Variants in GPR157 observed in about 807,000 individuals in gnomAD.
The protein encoded by GPR157 is G protein-coupled receptor 157, also known as G-protein coupled receptor 157.
A neutral mutation model predicts 23.5 loss-of-function variants in GPR157; 16 were observed. The ratio of observed to expected loss-of-function variants is 0.68; its 90% CI spans 0.46 to 1.04. The LOEUF is 1.04. Ranked by LOEUF, GPR157 falls within the 50% of genes least tolerant of loss-of-function variation. The pLI, the probability that GPR157 is intolerant of heterozygous loss-of-function variation, is 0.00. For missense variants in GPR157, 440 were observed against 460.7 expected (o/e 0.96, Z 0.41); for synonymous variants, 200 against 221.5 (o/e 0.90, Z 0.86).
rs747542224 is a variant in GPR157 at position 9,128,865 on chromosome 1, G to C, written c.163C>G (p.Leu55Val). ...RARRLLLFLS[L>V]ADLLSAASYF... is the part of the protein sequence containing the mutation. Reference sequence around the variant, plus strand: ...GAGGCGGCCGAGAGCAGGTCGGCCAGCGACAGGAAGAGCAGCAGGCGCCGT... The same window carrying C: ...GAGGCGGCCGAGAGCAGGTCGGCCACCGACAGGAAGAGCAGCAGGCGCCGT... Residue 55 changes from leucine to valine, a missense_variant, in exon 1 of 4, where the codon CTG becomes GTG. Coordinates refer to ENST00000377411, the MANE Select transcript of GPR157 (RefSeq NM_024980.5). This position sits in a 1 kb window ranked among gnomAD's most constrained non-coding sequence, Gnocchi z 6.3. The C allele has an allele frequency of 2.0e-5, 31 of 1,579,858 alleles. No individual in the cohort carries two copies. Among genetic ancestry groups the C allele is most frequent in the Middle Eastern group, 1.7e-4 (1 of 5,988 alleles).
intron 2 of GPR157, among the ~76,000 whole-genome samples, chr1:9,109,331 C>T (rs978028534): frequency 6.6e-6 from 1 of 152,072 alleles, no homozygotes; most frequent in African/African-American, 2.4e-5. Flanking sequence ...GATCTACCTG[C>T]CTCGGCCTCC....
rs554677716 is a variant in GPR157, at chr1:9,107,481, A to G, written c.598-1801T>C. Reference sequence around the variant, plus strand: ...GAGTGAGACACTGTCTCTACAAAAAATTTAAAAATTAGCTGGGCATTGGCC... The same window carrying G: ...GAGTGAGACACTGTCTCTACAAAAAGTTTAAAAATTAGCTGGGCATTGGCC... On this transcript the variant is annotated intron_variant, in intron 2 of 3. Coordinates refer to ENST00000377411, the MANE Select transcript of GPR157 (RefSeq NM_024980.5). Among the ~76,000 whole-genome samples, 3 of 152,212 alleles carry G rather than the reference A, an allele frequency of 2.0e-5. No individual in the cohort carries two copies. In the East Asian group the frequency reaches 5.8e-4, roughly 29 times the overall value.
chr1:9,105,448 G>T lies in GPR157; in HGVS notation c.792+38C>A. The T allele has an allele frequency of 1.3e-6, 2 of 1,500,926 alleles. No individual in the cohort carries two copies. Among genetic ancestry groups the T allele is most frequent in the Non-Finnish European group, 1.8e-6 (2 of 1,115,328 alleles). 93.0% of individuals were successfully genotyped at this position (1,500,926 alleles called of 1,614,324 possible). ...AAGGAATCAGGCTGTGCCTCCTCTG[G>T]GGGCAGGGACGACAAGGGCCAGGGA... On this transcript the variant is annotated intron_variant, in intron 3 of 3. Transcript: ENST00000377411. The surrounding 1 kb of genome is among the most constrained non-coding windows in gnomAD (Gnocchi z 4.8).
In GPR157 at chr1:9,123,163, G is replaced by GA. The variant is rs1553175750; in HGVS notation, c.383+5481dup. ...ACAAGAGTGAAACTGTCTTGGGTGG[G>GA]AAAAAAAAAAAATATATATATATAT... On this transcript the variant is annotated intron_variant, in intron 1 of 3. Transcript: ENST00000377411. 8.7e-4 allele frequency among the ~76,000 whole-genome samples: 76 copies of GA among 87,560 alleles called. 1 individual carries two copies. The highest frequency in any genetic ancestry group is 6.6e-3 in the Middle Eastern group (1 of 152). The allele number at this position is 87,560 out of a possible 152,430, so 57.4% of individuals were successfully genotyped here. A position where few individuals can be genotyped will look rare whatever the true frequency, so the allele number is the denominator to read the frequency against.
intron 1 of GPR157, among the ~76,000 whole-genome samples, chr1:9,123,712 G>GTATTTATATATAATTTTAAATATA: frequency 1.2e-5 from 1 of 82,456 alleles, no homozygotes; most frequent in African/African-American, 5.5e-5. Context: ...TTTTAAATAT[G>GTATTTATATATAATTTTAAATATA]TATTTATATA....
intron 1 of GPR157, among the ~76,000 whole-genome samples, chr1:9,112,757 C>T (rs1638541646): frequency 6.6e-6 from 1 of 152,150 alleles, no homozygotes; most frequent in Admixed American, 6.6e-5. Context: ...CCAGCCCAGG[C>T]TCAGTTTTCT....
At position 9,128,365 on chromosome 1, in the gene GPR157, G is replaced by C. The variant is rs1163269157; in HGVS notation, c.383+280C>G. ...GGCTCAGAGTGTCCTCCCCAGCCCC[G>C]TCCAAGGAAACAGGGCCCGGCTCTG... On this transcript the variant is annotated intron_variant, in intron 1 of 3. Coordinates refer to ENST00000377411, the MANE Select transcript of GPR157 (RefSeq NM_024980.5). This position sits in a 1 kb window ranked among gnomAD's most constrained non-coding sequence, Gnocchi z 6.3. The C allele has an allele frequency of 1.5e-6, 1 of 672,226 alleles. No homozygotes were observed. The highest frequency in any genetic ancestry group is 2.7e-6 in the Non-Finnish European group (1 of 365,726). 41.6% of individuals were successfully genotyped at this position (672,226 alleles called of 1,614,324 possible). A position where few individuals can be genotyped will look rare whatever the true frequency, so the allele number is the denominator to read the frequency against.
At chr1:9,119,975 C>A (rs1638764902) in intron 1 of GPR157, among the ~76,000 whole-genome samples, 1 of 152,172 alleles carries the variant, frequency 6.6e-6, no homozygotes, top group South Asian at 2.1e-4. Flanking sequence ...GGTTTCCCTG[C>A]CCTTCAGAGC....
intron 1 of GPR157, among the ~76,000 whole-genome samples, chr1:9,113,956 A>AACACACACACAC (rs35650719): frequency 8.2e-5 from 10 of 121,892 alleles, no homozygotes; most frequent in East Asian, 2.4e-4. Flanking sequence ...AAAAAAACCA[A>AACACACACACAC]ACACACACAC....
At chr1:9,123,316 TTAAA>T (rs1557700788) in intron 1 of GPR157, among the ~76,000 whole-genome samples, 3 of 23,642 alleles carry the variant, frequency 1.3e-4, no homozygotes, top group Non-Finnish European at 2.5e-4. Context: ...TAAATATATA[TTAAA>T]ATATATATAT....
At chr1:9,117,109 G>A (rs1324739863) in intron 1 of GPR157, among the ~76,000 whole-genome samples, 2 of 152,122 alleles carry the variant, frequency 1.3e-5, no homozygotes, top group South Asian at 2.1e-4. Context: ...CTCCCAAGGA[G>A]CTAGGACTAC....
At position 9,118,769 on chromosome 1, in the gene GPR157, G is replaced by A. The variant is rs1638739083; in HGVS notation, c.384-7280C>T. The stretch of plus-strand genomic sequence containing the variant: ...CTTAAGAGGAAAGGCTGGGCATGGT[G>A]GCTCACACCTGTAATCCCAGCACTC... On this transcript the variant is annotated intron_variant, in intron 1 of 3. Coordinates refer to ENST00000377411, the MANE Select transcript of GPR157 (RefSeq NM_024980.5). The surrounding 1 kb of genome is among the most constrained non-coding windows in gnomAD (Gnocchi z 4.6). 6.6e-6 allele frequency among the ~76,000 whole-genome samples: 1 copy of A among 152,166 alleles called. No individual in the cohort carries two copies. Among genetic ancestry groups the A allele is most frequent in the Admixed American group, 6.5e-5 (1 of 15,278 alleles).
In GPR157 at chr1:9,128,950, C is replaced by T; in HGVS notation, c.78G>A (p.Ala26=). The change falls in exon 1 of 4, where the codon GCG becomes GCA. Residue 26 remains alanine, a synonymous_variant. Transcript: ENST00000377411. The surrounding 1 kb of genome is among the most constrained non-coding windows in gnomAD (Gnocchi z 6.3). The part of the protein sequence containing the change: ...AVVLLSCALS[A]LGSGLLVATH... ...TGGCCACCAGCAGGCCCGAGCCGAG[C>T]GCGGAGAGTGCGCACGACAGCAGCA... 6 of 1,503,306 alleles carry T rather than the reference C, an allele frequency of 4.0e-6. No homozygotes were observed. In the South Asian group the frequency reaches 5.0e-5, roughly 12 times the overall value. 93.1% of individuals were successfully genotyped at this position (1,503,306 alleles called of 1,614,324 possible).
intron 2 of GPR157, among the ~76,000 whole-genome samples, chr1:9,108,818 C>T (rs1413842923): frequency 6.6e-6 from 1 of 151,336 alleles, no homozygotes; most frequent in African/African-American, 2.4e-5. Context: ...GAAGGAGTCT[C>T]TCTGTCACCC....
rs912969660 is a variant in GPR157, at chr1:9,100,802, C to G, written c.*3617G>C. 1 of 142,120 alleles carries G rather than the reference C, an allele frequency of 7.0e-6. No homozygotes were observed. The highest frequency in any genetic ancestry group is 1.5e-5 in the Non-Finnish European group (1 of 64,618). The allele number at this position is 142,120 out of a possible 1,614,324, so 8.8% of individuals were successfully genotyped here. On this transcript the variant is annotated 3_prime_UTR_variant, in exon 4 of 4. Coordinates refer to ENST00000377411, the MANE Select transcript of GPR157 (RefSeq NM_024980.5). ...CTTTTGCCCTGATCAGATGTAACAGCCCCTCGCTTGAGATCTGACTGGGCA... is the reference window on the plus strand; with the variant it reads ...CTTTTGCCCTGATCAGATGTAACAGGCCCTCGCTTGAGATCTGACTGGGCA...
Position 9,104,531 on chromosome 1 carries a change from G to GAGC in GPR157, c.893_895dup (p.Cys298dup). On this transcript the variant is annotated inframe_insertion, in exon 4 of 4. Coordinates refer to ENST00000377411, the MANE Select transcript of GPR157 (RefSeq NM_024980.5). The stretch of plus-strand genomic sequence containing the variant: ...CGGGCTCTTGGTGGGAGGCTGAGAA[G>GAGC]AGCAGCAGCAGCAACAGAGAGAGAA... 1 of 1,613,858 alleles carries GAGC rather than the reference G, an allele frequency of 6.2e-7. No homozygotes were observed. Among genetic ancestry groups the GAGC allele is most frequent in the Admixed American group, 1.7e-5 (1 of 59,998 alleles).
In GPR157 at chr1:9,129,072, GGCCGCGCGTGCGGCCACGCC is replaced by G. The variant is rs1639037925; in HGVS notation, c.-65_-46del. ...CGGAGCGCCGCGAGGACAGAAGCCG[GGCCGCGCGTGCGGCCACGCC>G]GCCGCCGTCTGGGCACCGAGGCGCC... is the stretch of plus-strand genomic sequence containing the variant. On this transcript the variant is annotated 5_prime_UTR_variant, in exon 1 of 4. Transcript: ENST00000377411. 1 of 1,216,524 alleles carries G rather than the reference GGCCGCGCGTGCGGCCACGCC, an allele frequency of 8.2e-7. No individual in the cohort carries two copies. Among genetic ancestry groups the G allele is most frequent in the South Asian group, 4.0e-5 (1 of 24,926 alleles). 75.4% of individuals were successfully genotyped at this position (1,216,524 alleles called of 1,614,324 possible).
chr1:9,125,627 T>A lies in GPR157; in HGVS notation c.383+3018A>T, dbSNP rs529968033. On this transcript the variant is annotated intron_variant, in intron 1 of 3. Transcript: ENST00000377411. ...ATGGTTTCTGTCACTTCGCATTGAA[T>A]CATATCATTTAAAAAAATGACTTAC... 1.1e-4 allele frequency among the ~76,000 whole-genome samples: 16 copies of A among 152,272 alleles called. No homozygotes were observed. The East Asian group carries it at 3.1e-3, about 29-fold the overall frequency.
chr1:9,122,862 A>G (rs1425290280), intron 1 of GPR157, among the ~76,000 whole-genome samples: 2 of 152,128 alleles, frequency 1.3e-5, no homozygotes, highest in East Asian at 3.9e-4. Context: ...CCACGGACAA[A>G]AATCTCAATA....
Sources: gnomAD v4.1 joint callset for allele counts (sites outside exome capture counted in the v4.1 genomes callset) on GRCh38, gnomAD v4.1.1 for gene constraint, Gnocchi (gnomAD v3.1) non-coding constraint, MANE v1.5 for transcripts, NCBI Gene and HGNC (gene_info 2026-07-23, HGNC 2026-07-21) for gene names.